STK24: variants seen among roughly 807,000 people sequenced by gnomAD.
STK24 encodes serine/threonine kinase 24.
Under a neutral mutation model 55.6 loss-of-function variants are expected in STK24, and 21 were observed. That is an observed-to-expected ratio of 0.38 (90% CI 0.27 to 0.54). The LOEUF (loss-of-function observed/expected upper bound fraction) is 0.54, where lower values mean the gene tolerates loss of function less well. Among genes scored for constraint, STK24 ranks in the 20% least tolerant of loss-of-function variants. The pLI, the probability that STK24 is intolerant of heterozygous loss-of-function variation, is 0.79. For synonymous variants in STK24, 200 were observed against 215.2 expected (o/e 0.93, Z 0.62); for missense variants, 383 against 538.4 (o/e 0.71, Z 2.86).
chr13:98,479,460 G>A (rs561226728), intron 3 of STK24, among the ~76,000 whole-genome samples: 5 of 152,250 alleles, frequency 3.3e-5, no homozygotes, highest in Non-Finnish European at 5.9e-5. Flanking sequence ...CCTGGAGAGC[G>A]GAAAAGGTGG....
chr13:98,504,648 C>G (rs1895619312), intron 2 of STK24, among the ~76,000 whole-genome samples: 1 of 151,868 alleles, frequency 6.6e-6, no homozygotes, highest in Non-Finnish European at 1.5e-5. Flanking sequence ...TCGTCGGTGA[C>G]TATCTACACA....
intron 1 of STK24, among the ~76,000 whole-genome samples, chr13:98,524,044 AC>A (rs1896348624): frequency 6.6e-6 from 1 of 152,060 alleles, no homozygotes; most frequent in South Asian, 2.1e-4. Context: ...CAGCCCGTCC[AC>A]ACCCAGCCCC....
chr13:98,468,208 A>G (rs1300444131), intron 5 of STK24, among the ~76,000 whole-genome samples: 1 of 152,184 alleles, frequency 6.6e-6, no homozygotes, highest in Non-Finnish European at 1.5e-5. Context: ...GGCATATTCT[A>G]TTTCCTTATT....
At chr13:98,523,071 G>A (rs139078142) in intron 1 of STK24, among the ~76,000 whole-genome samples, 9 of 152,332 alleles carry the variant, frequency 5.9e-5, no homozygotes, top group African/African-American at 2.2e-4. Flanking sequence ...AAGAATTTCT[G>A]ATTCAGTCAA....
At chr13:98,576,674 G>C (rs1261655466) in intron 1 of STK24, 71 bp downstream of exon 1, 5 of 1,327,282 alleles carry the variant, frequency 3.8e-6, no homozygotes, top group South Asian at 1.3e-5. Context: ...GGGGGACGCC[G>C]TGTGGATACC....
chr13:98,492,031 G>A (rs1033304163), intron 2 of STK24, among the ~76,000 whole-genome samples: 1 of 151,934 alleles, frequency 6.6e-6, no homozygotes. Flanking sequence ...GCAGAAAAGG[G>A]TGGGTGAAGA....
intron 6 of STK24, among the ~76,000 whole-genome samples, chr13:98,464,102 T>C (rs530478928): frequency 2.0e-5 from 3 of 152,264 alleles, no homozygotes; most frequent in South Asian, 4.1e-4. Context: ...GCACAGAGCT[T>C]CACAGGGATC....
chr13:98,533,062 G>A (rs1257743349), intron 1 of STK24, among the ~76,000 whole-genome samples: 1 of 152,204 alleles, frequency 6.6e-6, no homozygotes, highest in East Asian at 1.9e-4. Flanking sequence ...TCTATGAATT[G>A]CAAAGTCTAG....
At chr13:98,504,806 A>G (rs994076057) in intron 2 of STK24, among the ~76,000 whole-genome samples, 1 of 152,170 alleles carries the variant, frequency 6.6e-6, no homozygotes, top group Non-Finnish European at 1.5e-5. Context: ...GCAGAGAAAC[A>G]ACAGCCTCCA....
At chr13:98,530,282 A>G (rs997929732) in intron 1 of STK24, among the ~76,000 whole-genome samples, 20 of 152,278 alleles carry the variant, frequency 1.3e-4, no homozygotes, top group African/African-American at 4.8e-4. Context: ...CTTGTAAAAC[A>G]CCTGGAATAC....
intron 10 of STK24, chr13:98,456,241 C>T (rs1212794831): frequency 6.0e-6 from 2 of 334,910 alleles, no homozygotes; most frequent in Non-Finnish European, 1.2e-5. Flanking sequence ...CCTTCAATCA[C>T]TTCCAAATAG....
At position 98,478,692 on chromosome 13, in the gene STK24, C is replaced by T. The variant is rs565544257; in HGVS notation, c.331-3334G>A. 3.2e-4 allele frequency among the ~76,000 whole-genome samples: 48 copies of T among 152,312 alleles called. 1 individual carries two copies. Among genetic ancestry groups the T allele is most frequent in the African/African-American group, 1.1e-3 (47 of 41,546 alleles). ...CCATCTCATTTCTTAAAACCCATGTCGTGTACTCATTTTTTAAGTCCGTCA... is the reference window on the plus strand; with the variant it reads ...CCATCTCATTTCTTAAAACCCATGTTGTGTACTCATTTTTTAAGTCCGTCA... On this transcript the variant is annotated intron_variant, in intron 3 of 10. Transcript: ENST00000539966.
rs1894328861 is a variant in STK24 at position 98,475,377 on chromosome 13, T to C, written c.331-19A>G. ...GTTCTAACTAAGAAGAGAAAAAAAT[T>C]CTTAAAGTTACTTAAATGATTATCT... On this transcript the variant is annotated intron_variant, in intron 3 of 10. Transcript: ENST00000539966. The C allele has an allele frequency of 1.3e-6, 2 of 1,539,508 alleles. No individual in the cohort carries two copies. Among genetic ancestry groups the C allele is most frequent in the African/African-American group, 1.4e-5 (1 of 71,994 alleles).
chr13:98,501,446 T>C lies in STK24; in HGVS notation c.273+17797A>G, dbSNP rs1895459147. Among the ~76,000 whole-genome samples, 2 of 152,232 alleles carry C rather than the reference T, an allele frequency of 1.3e-5. 1 individual carries two copies. Among genetic ancestry groups the C allele is most frequent in the South Asian group, 4.1e-4 (2 of 4,832 alleles). The stretch of plus-strand genomic sequence containing the variant: ...GGAACTGAGGAGGCTGCAACCTACC[T>C]ATGTCAAAGTTTTAGAACATGAATT... On this transcript the variant is annotated intron_variant, in intron 2 of 10. Transcript: ENST00000539966.
intron 2 of STK24, among the ~76,000 whole-genome samples, chr13:98,511,234 T>C (rs1039506745): frequency 4.6e-5 from 7 of 152,182 alleles, no homozygotes; most frequent in African/African-American, 1.2e-4. Flanking sequence ...TGACGGGAAA[T>C]AGTAAGCGTC....
intron 1 of STK24, among the ~76,000 whole-genome samples, chr13:98,527,786 C>T (rs1295338016): frequency 1.3e-5 from 2 of 152,202 alleles, no homozygotes; most frequent in East Asian, 1.9e-4. Context: ...GCAGAGCCAG[C>T]GGCCACGGGA....
intron 1 of STK24, among the ~76,000 whole-genome samples, chr13:98,525,284 C>G (rs2139392839): frequency 6.6e-6 from 1 of 152,380 alleles, no homozygotes; most frequent in East Asian, 1.9e-4. Flanking sequence ...TAAGCACCGG[C>G]TATGGCCTCA....
chr13:98,476,240 G>GCCCCC (rs138129188), intron 3 of STK24, among the ~76,000 whole-genome samples: 21 of 141,656 alleles, frequency 1.5e-4, no homozygotes, highest in East Asian at 2.0e-4. Context: ...CAGACGGGAA[G>GCCCCC]CCCCCCCCCG....
At chr13:98,522,470 C>T (rs1010800159) in intron 1 of STK24, among the ~76,000 whole-genome samples, 25 of 152,210 alleles carry the variant, frequency 1.6e-4, no homozygotes, top group Admixed American at 1.6e-3. Context: ...CAATTGCCAC[C>T]TTGAAGGAAA....
Sources: allele counts gnomAD v4.1 joint callset (sites outside exome capture counted in the v4.1 genomes callset), GRCh38; gene constraint gnomAD v4.1.1; transcripts MANE v1.5; gene names NCBI Gene and HGNC (gene_info 2026-07-23, HGNC 2026-07-21).